Variants in CRTC1 observed in about 807,000 individuals in gnomAD.
The protein encoded by CRTC1 is CREB regulated transcription coactivator 1, also known as CREB-regulated transcription coactivator 1.
Under a neutral mutation model 66.1 loss-of-function variants are expected in CRTC1, and 18 were observed. That is an observed-to-expected ratio of 0.27 (90% CI 0.19 to 0.40). CRTC1 has a LOEUF of 0.40. Ranked by LOEUF, CRTC1 falls within the 10% of genes least tolerant of loss-of-function variation. CRTC1 has a pLI of 1.00. For missense variants in CRTC1, 669 were observed against 887.9 expected, an observed-to-expected ratio of 0.75 and a Z score of 3.13; for synonymous variants, 416 against 398.8, an observed-to-expected ratio of 1.04 and a Z score of -0.51.
chr19:18,733,736 C>G (rs2053939222), intron 1 of CRTC1, among the ~76,000 whole-genome samples: 1 of 152,198 alleles, frequency 6.6e-6, no homozygotes, highest in South Asian at 2.1e-4. Flanking sequence ...GGGACTGAGG[C>G]AAAAACAAAG....
intron 8 of CRTC1, among the ~76,000 whole-genome samples, chr19:18,761,904 C>G (rs1025084957): frequency 1.3e-5 from 2 of 152,122 alleles, no homozygotes; most frequent in Non-Finnish European, 2.9e-5. Flanking sequence ...GACTCCCACA[C>G]CTGGGCCCTG....
chr19:18,702,708 A>G (rs181596186), intron 1 of CRTC1, among the ~76,000 whole-genome samples: 11 of 148,276 alleles, frequency 7.4e-5, no homozygotes, highest in African/African-American at 2.7e-4. Context: ...CTAATTTTGT[A>G]TTTTTAGTAG....
At chr19:18,692,763 G>C (rs988472870) in intron 1 of CRTC1, among the ~76,000 whole-genome samples, 1 of 152,098 alleles carries the variant, frequency 6.6e-6, no homozygotes, top group Non-Finnish European at 1.5e-5. Flanking sequence ...CATGGCACTT[G>C]TGGCTCTGCA....
chr19:18,732,334 A>G (rs1024404560), intron 1 of CRTC1, among the ~76,000 whole-genome samples: 5 of 152,064 alleles, frequency 3.3e-5, no homozygotes, highest in Admixed American at 6.5e-5. Flanking sequence ...ATCTCTAAGC[A>G]CACACAGCTG....
rs1225064315 is a variant in CRTC1, at chr19:18,745,829, T to C, written c.250T>C (p.Phe84Leu). The C allele has an allele frequency of 6.2e-7, 1 of 1,613,854 alleles. No individual in the cohort carries two copies. Among genetic ancestry groups the C allele is most frequent in the Non-Finnish European group, 8.5e-7 (1 of 1,179,912 alleles). Residue 84 changes from phenylalanine to leucine, a missense_variant, in exon 3 of 14, where the codon TTC becomes CTC. Around this residue, in one of 8 missense-constraint regions of CRTC1, gnomAD observed 214 missense variants for 323.4 expected, o/e 0.66. Transcript: ENST00000321949. ...CCATCTCCTCCTCCCCCAGACCCCC[T>C]TCCAATCCTCGGGCCTGGACACCAG... The part of the protein sequence containing the change: ...GTMDLPFQTP[F>L]QSSGLDTSRT...
intron 1 of CRTC1, among the ~76,000 whole-genome samples, chr19:18,704,148 G>A (rs2044923777): frequency 6.6e-6 from 1 of 152,140 alleles, no homozygotes; most frequent in South Asian, 2.1e-4. Context: ...ATTTAAAATA[G>A]GGATCTGCCT....
At chr19:18,686,811 G>A (rs1421180985) in intron 1 of CRTC1, among the ~76,000 whole-genome samples, 1 of 151,800 alleles carries the variant, frequency 6.6e-6, no homozygotes, top group Non-Finnish European at 1.5e-5. Flanking sequence ...TTCTCTTTCT[G>A]GGGCAGGGGG....
rs773059010 is a variant in CRTC1 at position 18,759,553 on chromosome 19, G to A, written c.627G>A (p.Thr209=). ...GGCTCTCCTGTCTTCTCTTTCAGACGGGGTCCAGGCCCAAGTCCTGTGAGG... is the reference window on the plus strand; with the variant it reads ...GGCTCTCCTGTCTTCTCTTTCAGACAGGGTCCAGGCCCAAGTCCTGTGAGG... The part of the protein sequence containing the change: ...LSKQAWDTKK[T]GSRPKSCEVP... The change falls in exon 7 of 14, where the codon ACG becomes ACA. Residue 209 remains threonine, a splice_region_variant and synonymous_variant. Transcript: ENST00000321949. 19 of 1,612,602 alleles carry A rather than the reference G, an allele frequency of 1.2e-5. No homozygotes were observed. The highest frequency in any genetic ancestry group is 3.3e-5 in the South Asian group (3 of 90,844).
intron 5 of CRTC1, among the ~76,000 whole-genome samples, chr19:18,750,679 G>A (rs1363577773): frequency 6.6e-6 from 1 of 152,240 alleles, no homozygotes; most frequent in East Asian, 1.9e-4. Flanking sequence ...CGAGTGGGTG[G>A]TTAACACGCA....
chr19:18,755,064 A>T (rs538981803), intron 6 of CRTC1, among the ~76,000 whole-genome samples: 1 of 146,296 alleles, frequency 6.8e-6, no homozygotes, highest in Non-Finnish European at 1.5e-5. Context: ...GCTCACTGCA[A>T]CCTCTGCCTC....
chr19:18,757,002 G>C (rs559525105), intron 6 of CRTC1, among the ~76,000 whole-genome samples: 1 of 152,196 alleles, frequency 6.6e-6, no homozygotes, highest in African/African-American at 2.4e-5. Flanking sequence ...AACACCCGCC[G>C]GTCGCACGCC....
chr19:18,770,697 G>A (rs150517400), intron 10 of CRTC1, among the ~76,000 whole-genome samples: 41 of 151,936 alleles, frequency 2.7e-4, no homozygotes, highest in African/African-American at 9.4e-4. Flanking sequence ...ATTTGTGGAT[G>A]TGTGGACATT....
At chr19:18,694,365 GAATTGAT>G (rs933024200) in intron 1 of CRTC1, among the ~76,000 whole-genome samples, 2 of 151,640 alleles carry the variant, frequency 1.3e-5, no homozygotes, top group African/African-American at 4.8e-5. Context: ...GGGACCCACT[GAATTGAT>G]AACTTACTAA....
chr19:18,727,494 T>A (rs139593902), intron 1 of CRTC1, among the ~76,000 whole-genome samples: 3,370 of 138,132 alleles, frequency 0.024, 139 homozygotes, highest in African/African-American at 0.087. Context: ...GGCAGGAGAA[T>A]CGCTTAAACC....
intron 1 of CRTC1, among the ~76,000 whole-genome samples, chr19:18,700,511 TAAA>T (rs970019630): frequency 6.6e-6 from 1 of 151,478 alleles, no homozygotes; most frequent in Non-Finnish European, 1.5e-5. Flanking sequence ...TTTTTTTAAA[TAAA>T]AAAAATGAAA....
intron 1 of CRTC1, among the ~76,000 whole-genome samples, chr19:18,718,923 G>A (rs7256986): frequency 0.81 from 123,208 of 152,194 alleles, 50,715 homozygotes; most frequent in East Asian, 1. Flanking sequence ...TGTTTAAAAC[G>A]GGAGCATAAC....
At chr19:18,733,528 C>T (rs1321319198) in intron 1 of CRTC1, among the ~76,000 whole-genome samples, 3 of 152,210 alleles carry the variant, frequency 2.0e-5, no homozygotes, top group African/African-American at 7.2e-5. Context: ...AGCAAGGAGG[C>T]AGCAGGGGAG....
chr19:18,739,972 G>C (rs1486074685), intron 1 of CRTC1, among the ~76,000 whole-genome samples: 1 of 152,184 alleles, frequency 6.6e-6, no homozygotes, highest in South Asian at 2.1e-4. Context: ...CCCAAGGGAG[G>C]CTGGGTGTGG....
chr19:18,764,146 G>A (rs766842545), intron 8 of CRTC1, among the ~76,000 whole-genome samples: 6 of 152,232 alleles, frequency 3.9e-5, no homozygotes, highest in Non-Finnish European at 5.9e-5. Flanking sequence ...GGACAAGGCT[G>A]TCATCTCCCC....
Sources: allele counts gnomAD v4.1 joint callset (sites outside exome capture counted in the v4.1 genomes callset), GRCh38; gene constraint gnomAD v4.1.1; regional missense constraint gnomAD v4.1.1; transcripts MANE v1.5; gene names NCBI Gene and HGNC (gene_info 2026-07-23, HGNC 2026-07-21).